The following EVC2 variants were observed in gnomAD, a reference collection of about 807,000 sequenced individuals.
The protein encoded by EVC2 is EvC ciliary complex subunit 2, also known as limbin.
EVC2 carries 148 observed loss-of-function variants against 149.3 expected under a neutral mutation model. That is an observed-to-expected ratio of 0.99 (90% CI 0.87 to 1.14). The LOEUF is 1.14. EVC2 is among the 50% of genes most tolerant of loss of function. EVC2 has a pLI of 0.00. For missense variants in EVC2, 1,854 were observed against 1,627.3 expected (o/e 1.14, Z -2.40); for synonymous variants, 776 against 649.9 (o/e 1.19, Z -2.95).
At chr4:5,706,180 C>T (rs1722119370) in intron 1 of EVC2, among the ~76,000 whole-genome samples, 1 of 151,838 alleles carries the variant, frequency 6.6e-6, no homozygotes, top group Non-Finnish European at 1.5e-5. Context: ...CTCCTTCCTC[C>T]ACCCTCTCTC....
rs116232653 is a variant in EVC2, at chr4:5,576,968, G to T, written c.3058-514C>A. 3.5e-3 allele frequency among the ~76,000 whole-genome samples: 527 copies of T among 152,292 alleles called. 4 individuals carry two copies. Among genetic ancestry groups the T allele is most frequent in the African/African-American group, 0.012 (510 of 41,550 alleles). On this transcript the variant is annotated intron_variant, in intron 17 of 21. Coordinates refer to ENST00000344408, the MANE Select transcript of EVC2 (RefSeq NM_147127.5). The surrounding 1 kb of genome is among the most constrained non-coding windows in gnomAD (Gnocchi z 4.5). ...CTGGCACCTGTCACTGCATATGGTG[G>T]GGTATCTGCATGCACCCGGCATGGA...
chr4:5,594,778 C>T (rs1050690581), intron 16 of EVC2, among the ~76,000 whole-genome samples: 8 of 152,072 alleles, frequency 5.3e-5, no homozygotes, highest in South Asian at 2.1e-4. Context: ...CTCCAAGCTA[C>T]GGGAGGAAAT....
At position 5,576,443 on chromosome 4, in the gene EVC2, C is replaced by T. The variant is rs2108778947; in HGVS notation, c.3069G>A (p.Glu1023=). The change falls in exon 18 of 22, where the codon GAG becomes GAA. Residue 1023 remains glutamate (E), a synonymous_variant. Transcript: ENST00000344408. The surrounding 1 kb of genome is among the most constrained non-coding windows in gnomAD (Gnocchi z 4.5). ...GCTGGTCCTCCAGCTTCCTCTCCAA[C>T]TCCTGGAGCTCCTACACAAGGAAGG... The part of the protein sequence containing the change: ...ILESHSRELQ[E]LERKLEDQLV... The T allele has an allele frequency of 6.3e-7, 1 of 1,595,998 alleles. No individual in the cohort carries two copies. The highest frequency in any genetic ancestry group is 8.5e-7 in the Non-Finnish European group (1 of 1,171,364).
In EVC2 at chr4:5,622,561, C is replaced by T. The variant is rs1436641687; in HGVS notation, c.2477G>A (p.Arg826Gln). The stretch of plus-strand genomic sequence containing the variant: ...CATGAAGATCAGGTGCTCCCAGCGT[C>T]GCAGCTCTGCCTGCTCCTCTGTCAC... ...EAVTEEQAEL[R>Q]RWEHLIFMKL... The change falls in exon 14 of 22, where the codon CGA (arginine) becomes CAA (glutamine). Residue 826 changes from arginine to glutamine, a missense_variant. Arg to Gln is a conservative substitution (Grantham distance 43, BLOSUM62 1). Coordinates refer to ENST00000344408, the MANE Select transcript of EVC2 (RefSeq NM_147127.5). The surrounding 1 kb of genome is among the most constrained non-coding windows in gnomAD (Gnocchi z 5.8). The T allele has an allele frequency of 1.4e-5, 23 of 1,613,822 alleles. No homozygotes were observed. The highest frequency in any genetic ancestry group is 2.2e-5 in the South Asian group (2 of 91,022).
chr4:5,697,570 C>T lies in EVC2; in HGVS notation c.283+23G>A, dbSNP rs757612212. The T allele has an allele frequency of 3.7e-6, 6 of 1,613,538 alleles. No homozygotes were observed. The Admixed American group carries it at 5.0e-5, about 13-fold the overall frequency. ...GTTTTTCATGCTCAAAACAGGGGAACATCAACCAGAAGAAAAACTCACCTG... is the reference window on the plus strand; with the variant it reads ...GTTTTTCATGCTCAAAACAGGGGAATATCAACCAGAAGAAAAACTCACCTG... On this transcript the variant is annotated intron_variant, in intron 2 of 21. Transcript: ENST00000344408.
intron 1 of EVC2, among the ~76,000 whole-genome samples, chr4:5,706,341 C>A (rs61173176): frequency 9.2e-5 from 1 of 10,914 alleles, no homozygotes; most frequent in African/African-American, 3.9e-4. Context: ...TAGATAGATA[C>A]ATAGATAGAT....
At chr4:5,532,050 T>G in the EVC2 span, among the ~76,000 whole-genome samples, 1 of 152,090 alleles carries the variant, frequency 6.6e-6, no homozygotes, top group Non-Finnish European at 1.5e-5. Context: ...TTTCATGGGT[T>G]TAACTAAATT....
Position 5,640,967 on chromosome 4 carries a change from C to A in EVC2, c.1146-129G>T. On this transcript the variant is annotated intron_variant, in intron 9 of 21. Coordinates refer to ENST00000344408, the MANE Select transcript of EVC2 (RefSeq NM_147127.5). The surrounding 1 kb of genome is among the most constrained non-coding windows in gnomAD (Gnocchi z 4.6). Reference sequence around the variant, plus strand: ...TTCTTCGTCTTCCTTTTCTTCCTTTCCCCGCTCACTTCTGCTTCATCCAGT... The same window carrying A: ...TTCTTCGTCTTCCTTTTCTTCCTTTACCCGCTCACTTCTGCTTCATCCAGT... 1 of 1,061,936 alleles carries A rather than the reference C, an allele frequency of 9.4e-7. No homozygotes were observed. Among genetic ancestry groups the A allele is most frequent in the Admixed American group, 1.9e-5 (1 of 53,690 alleles). The allele number at this position is 1,061,936 out of a possible 1,614,324, so 65.8% of individuals were successfully genotyped here. A position where few individuals can be genotyped will look rare whatever the true frequency, so the allele number is the denominator to read the frequency against.
In EVC2 at chr4:5,632,850, A is replaced by G. The variant is rs73198181; in HGVS notation, c.1471-818T>C. 3.7e-3 allele frequency among the ~76,000 whole-genome samples: 565 copies of G among 152,144 alleles called. 3 individuals carry two copies. Among genetic ancestry groups the G allele is most frequent in the Non-Finnish European group, 6.5e-3 (439 of 68,006 alleles). On this transcript the variant is annotated intron_variant, in intron 10 of 21. Transcript: ENST00000344408. ...CAGAGGGAGCTGTTCTTCACTCCACATGGGTAGGCGGGATTCTGGAATGGC... is the reference window on the plus strand; with the variant it reads ...CAGAGGGAGCTGTTCTTCACTCCACGTGGGTAGGCGGGATTCTGGAATGGC...
chr4:5,676,453 C>A (rs1177130587), intron 7 of EVC2, among the ~76,000 whole-genome samples: 1 of 152,214 alleles, frequency 6.6e-6, no homozygotes, highest in Non-Finnish European at 1.5e-5. Flanking sequence ...TCCTGGCAAA[C>A]TCATCCTATT....
intron 3 of EVC2, among the ~76,000 whole-genome samples, chr4:5,694,057 G>A (rs1015080345): frequency 6.6e-6 from 1 of 152,186 alleles, no homozygotes; most frequent in Admixed American, 6.5e-5. Flanking sequence ...CACTCGGTCT[G>A]GTTAAAGCAC....
chr4:5,590,144 T>G (rs182825920), intron 16 of EVC2, among the ~76,000 whole-genome samples: 248 of 151,432 alleles, frequency 1.6e-3, no homozygotes, highest in African/African-American at 5.8e-3. Flanking sequence ...AGAGGGAAAG[T>G]GGGAGATGAA....
chr4:5,687,796 G>A (rs1047155464), intron 5 of EVC2, among the ~76,000 whole-genome samples: 3 of 152,116 alleles, frequency 2.0e-5, no homozygotes, highest in Non-Finnish European at 2.9e-5. Flanking sequence ...GATGAGAGAC[G>A]TGCAGGACCA....
upstream of EVC2, chr4:5,709,331 C>T (rs1160315003): frequency 6.6e-6 from 1 of 152,264 alleles, no homozygotes; most frequent in Non-Finnish European, 1.5e-5. Flanking sequence ...CTCATCCCTG[C>T]CTAGGTCCTG....
At chr4:5,695,404 G>A (rs1449816112) in intron 2 of EVC2, among the ~76,000 whole-genome samples, 1 of 151,970 alleles carries the variant, frequency 6.6e-6, no homozygotes, top group Non-Finnish European at 1.5e-5. Context: ...ATTTTTCTCT[G>A]TGTCAATACA....
At chr4:5,664,826 T>C (rs1719147216) in intron 8 of EVC2, among the ~76,000 whole-genome samples, 1 of 152,130 alleles carries the variant, frequency 6.6e-6, no homozygotes, top group African/African-American at 2.4e-5. Context: ...TGTCCTGGGA[T>C]CACTTCCCAC....
chr4:5,584,898 G>T (rs746849883), intron 16 of EVC2, 48 bp from the exon 17 acceptor site: 1 of 1,591,970 alleles, frequency 6.3e-7, no homozygotes, highest in Non-Finnish European at 8.6e-7. Context: ...AGTGAGTAGA[G>T]GAGGGTGGAG....
intron 16 of EVC2, among the ~76,000 whole-genome samples, chr4:5,609,574 C>T (rs896420931): frequency 6.6e-6 from 1 of 152,110 alleles, no homozygotes; most frequent in African/African-American, 2.4e-5. Context: ...GGAGCTGCTC[C>T]ATTAGTGGGA....
Position 5,662,500 on chromosome 4 carries a change from A to C in EVC2, c.1145+607T>G, listed in dbSNP as rs112476109. ...ATATTAAATATAATATTAATATTAA[A>C]TATATTAAATATAATATTAATATTA... On this transcript the variant is annotated intron_variant, in intron 9 of 21. Transcript: ENST00000344408. Among the ~76,000 whole-genome samples the C allele has an allele frequency of 1.3e-4, 13 of 100,340 alleles. No individual in the cohort carries two copies. The East Asian group carries it at 3.0e-3, about 23-fold the overall frequency. The allele number at this position is 100,340 out of a possible 152,430, so 65.8% of individuals were successfully genotyped here. A position where few individuals can be genotyped will look rare whatever the true frequency, so the allele number is the denominator to read the frequency against.
Sources: allele counts gnomAD v4.1 joint callset (sites outside exome capture counted in the v4.1 genomes callset), GRCh38; gene constraint gnomAD v4.1.1; non-coding constraint Gnocchi (gnomAD v3.1); transcripts MANE v1.5; gene names NCBI Gene and HGNC (gene_info 2026-07-23, HGNC 2026-07-21).